The following PSTPIP1 variants were observed in gnomAD, a reference collection of about 807,000 sequenced individuals.
The protein encoded by PSTPIP1 is proline-serine-threonine phosphatase-interacting protein 1.
In PSTPIP1, 66 loss-of-function variants were observed where a neutral mutation model predicts 69.6. That is an observed-to-expected ratio of 0.95 (90% CI 0.78 to 1.16). The LOEUF (loss-of-function observed/expected upper bound fraction) is 1.16, where lower values mean the gene tolerates loss of function less well. Ranked by LOEUF, PSTPIP1 falls within the 50% of genes most tolerant of loss-of-function variation. PSTPIP1 has a pLI of 0.00. For missense variants in PSTPIP1, 603 were observed against 557.4 expected (o/e 1.08, Z -0.82); for synonymous variants, 266 against 222.7 (o/e 1.19, Z -1.73).
intron 8 of PSTPIP1, among the ~76,000 whole-genome samples, chr15:77,030,018 C>T (rs1414276197): frequency 1.3e-5 from 2 of 152,088 alleles, no homozygotes; most frequent in African/African-American, 4.8e-5. Context: ...AGACACAGCA[C>T]CCACCCTCCT....
At chr15:77,032,201 T>G in intron 10 of PSTPIP1, 97 bp from the exon 11 acceptor site, 1 of 1,246,264 alleles carries the variant, frequency 8.0e-7, no homozygotes, top group Non-Finnish European at 1.1e-6. Context: ...CAATGGCCTG[T>G]GAGGAGGCCG....
intron 9 of PSTPIP1, 107 bp downstream of exon 9, chr15:77,030,688 C>T: frequency 8.0e-6 from 9 of 1,125,618 alleles, no homozygotes; most frequent in South Asian, 3.4e-5. Flanking sequence ...GGGGAAGGTA[C>T]CTGTTACTCA....
intron 1 of PSTPIP1, among the ~76,000 whole-genome samples, chr15:77,016,965 T>A (rs1249847899): frequency 6.6e-6 from 1 of 151,892 alleles, no homozygotes; most frequent in Non-Finnish European, 1.5e-5. Flanking sequence ...GAGACTGTAA[T>A]GTGTGTGGTC....
At chr15:77,025,013 A>G (rs566101272) in intron 3 of PSTPIP1, among the ~76,000 whole-genome samples, 84 of 152,334 alleles carry the variant, frequency 5.5e-4, no homozygotes, top group African/African-American at 2.0e-3. Flanking sequence ...CTAGGAGCAC[A>G]GATGGTGGGG....
At chr15:77,015,677 T>C in intron 1 of PSTPIP1, 1 of 336,770 alleles carries the variant, frequency 3.0e-6, no homozygotes, top group Non-Finnish European at 5.9e-6. Context: ...AGCCTGACTG[T>C]CCCAGCTCAG....
At chr15:76,997,935 T>G (rs1466328189) in intron 1 of PSTPIP1, among the ~76,000 whole-genome samples, 2 of 152,158 alleles carry the variant, frequency 1.3e-5, no homozygotes, top group Non-Finnish European at 2.9e-5. Context: ...CAGCACACTG[T>G]TTAGAAATGA....
chr15:77,005,944 C>T (rs1033512204), intron 1 of PSTPIP1, among the ~76,000 whole-genome samples: 3 of 152,198 alleles, frequency 2.0e-5, no homozygotes, highest in Non-Finnish European at 4.4e-5. Context: ...CTGCCATGAA[C>T]ATTGGTGTAC....
chr15:77,001,140 G>T (rs946216935), intron 1 of PSTPIP1, among the ~76,000 whole-genome samples: 6 of 152,156 alleles, frequency 3.9e-5, no homozygotes, highest in African/African-American at 1.4e-4. Flanking sequence ...TGAACATTTA[G>T]GTTACTGCCA....
At chr15:77,005,316 G>A (rs2075794560) in intron 1 of PSTPIP1, among the ~76,000 whole-genome samples, 1 of 151,692 alleles carries the variant, frequency 6.6e-6, no homozygotes, top group Non-Finnish European at 1.5e-5. Flanking sequence ...AACCTGGGAG[G>A]CAGAGGTTGC....
In PSTPIP1 at chr15:77,003,979, A is replaced by C. The variant is rs2075766654; in HGVS notation, c.36+8370A>C. Among the ~76,000 whole-genome samples, 4 of 152,370 alleles carry C rather than the reference A, an allele frequency of 2.6e-5. No individual in the cohort carries two copies. In the South Asian group the frequency reaches 8.3e-4, roughly 32 times the overall value. ...CTTGCTGTTTCAGAATGCCTCCTCC[A>C]ATCATGTTCACCATTGCATGTTATA... On this transcript the variant is annotated intron_variant, in intron 1 of 14. Transcript: ENST00000558012.
At chr15:77,010,769 T>G (rs1236386345) in intron 1 of PSTPIP1, among the ~76,000 whole-genome samples, 3 of 151,978 alleles carry the variant, frequency 2.0e-5, no homozygotes. Flanking sequence ...TGCCTCACCC[T>G]CCGAGTAGCG....
Position 77,012,958 on chromosome 15 carries a change from C to T in PSTPIP1, c.37-5190C>T, listed in dbSNP as rs115515761. ...AGAGCTGTGTGTAGGCACCAGGTGC[C>T]GGGATCCAGTGGGGAACCTGAAAGA... On this transcript the variant is annotated intron_variant, in intron 1 of 14. Coordinates refer to ENST00000558012, the MANE Select transcript of PSTPIP1 (RefSeq NM_003978.5). 4.7e-3 allele frequency among the ~76,000 whole-genome samples: 723 copies of T among 152,282 alleles called. 4 individuals are homozygous for T. Among genetic ancestry groups the T allele is most frequent in the African/African-American group, 0.016 (679 of 41,556 alleles).
chr15:77,004,867 C>T (rs1308732813), intron 1 of PSTPIP1, among the ~76,000 whole-genome samples: 1 of 151,262 alleles, frequency 6.6e-6, no homozygotes, highest in Non-Finnish European at 1.5e-5. Context: ...TCAAAACAAA[C>T]AAACAAACAA....
chr15:77,029,061 C>T (rs1403013094), intron 7 of PSTPIP1, among the ~76,000 whole-genome samples: 1 of 152,254 alleles, frequency 6.6e-6, no homozygotes, highest in East Asian at 1.9e-4. Flanking sequence ...GGACCCCCAA[C>T]TCAGGTGGTC....
At chr15:77,008,073 G>A (rs766145397) in intron 1 of PSTPIP1, 7 of 456,414 alleles carry the variant, frequency 1.5e-5, no homozygotes, top group Non-Finnish European at 3.1e-5. Flanking sequence ...CAGGCAAGCA[G>A]AGCTGGGGGT....
chr15:77,002,054 C>G (rs2075720491), intron 1 of PSTPIP1, among the ~76,000 whole-genome samples: 2 of 152,254 alleles, frequency 1.3e-5, no homozygotes, highest in Admixed American at 1.3e-4. Flanking sequence ...ATCCCAGCTA[C>G]TTACATCATC....
intron 1 of PSTPIP1, among the ~76,000 whole-genome samples, chr15:76,997,284 T>C (rs62027301): frequency 0.025 from 3,850 of 152,282 alleles, 58 homozygotes; most frequent in Non-Finnish European, 0.037. Context: ...ATAGTTTCCC[T>C]AGGGAAGGCC....
chr15:77,029,994 G>C (rs2076376917), intron 8 of PSTPIP1, among the ~76,000 whole-genome samples: 2 of 152,008 alleles, frequency 1.3e-5, no homozygotes, highest in Non-Finnish European at 1.5e-5. Context: ...GTCCCTGCTG[G>C]TGCCCCACCC....
chr15:77,016,701 G>T lies in PSTPIP1; in HGVS notation c.37-1447G>T, dbSNP rs539299945. 4.6e-5 allele frequency among the ~76,000 whole-genome samples: 7 copies of T among 152,050 alleles called. 1 individual carries two copies. The highest frequency in any genetic ancestry group is 2.1e-4 in the South Asian group (1 of 4,812). On this transcript the variant is annotated intron_variant, in intron 1 of 14. Transcript: ENST00000558012. ...AGGGTGGGCTGGAGTTTGTGGGGAG[G>T]GGGGGCACTGTTGGGGCAATTTATG...
Sources: allele counts gnomAD v4.1 joint callset (sites outside exome capture counted in the v4.1 genomes callset), GRCh38; gene constraint gnomAD v4.1.1; transcripts MANE v1.5; gene names NCBI Gene and HGNC (gene_info 2026-07-23, HGNC 2026-07-21).